CACNA2D3: variants seen among roughly 807,000 people sequenced by gnomAD.
The protein encoded by CACNA2D3 is voltage-dependent calcium channel subunit alpha-2/delta-3.
CACNA2D3 carries 60 observed loss-of-function variants against 160.6 expected under a neutral mutation model. The ratio of observed to expected loss-of-function variants is 0.37; its 90% CI spans 0.30 to 0.46. CACNA2D3 has a LOEUF of 0.46. CACNA2D3 is among the 20% of genes least tolerant of loss of function. The pLI is 1.00. For synonymous variants in CACNA2D3, 558 were observed against 492.9 expected (o/e 1.13, Z -1.75); for missense variants, 1,205 against 1,365.0 (o/e 0.88, Z 1.85).
chr3:54,501,880 A>G (rs1009323409), intron 4 of CACNA2D3, among the ~76,000 whole-genome samples: 3 of 152,174 alleles, frequency 2.0e-5, no homozygotes, highest in Non-Finnish European at 4.4e-5. Context: ...TTACTTGTGA[A>G]GGGTAATTTC....
At chr3:54,340,318 AC>A (rs1467880729) in intron 3 of CACNA2D3, among the ~76,000 whole-genome samples, 1 of 152,116 alleles carries the variant, frequency 6.6e-6, no homozygotes, top group Non-Finnish European at 1.5e-5. Flanking sequence ...TCATTTCATC[AC>A]TTATCTGTCC....
chr3:54,699,314 G>A lies in CACNA2D3; in HGVS notation c.1168-53285G>A, dbSNP rs568394349. ...GAGGAGCAAGGGGGAAGGGGCTGGA[G>A]GTCAGAGGGAGGCTCATCTCTCCAG... On this transcript the variant is annotated intron_variant, in intron 11 of 37. Transcript: ENST00000474759. Among the ~76,000 whole-genome samples, 10 of 152,310 alleles carry A rather than the reference G, an allele frequency of 6.6e-5. 1 individual carries two copies. Among genetic ancestry groups the A allele is most frequent in the African/African-American group, 2.4e-4 (10 of 41,574 alleles).
intron 11 of CACNA2D3, among the ~76,000 whole-genome samples, chr3:54,703,556 T>C (rs1404745501): frequency 6.6e-6 from 1 of 152,146 alleles, no homozygotes; most frequent in Non-Finnish European, 1.5e-5. Context: ...GGCCACATAG[T>C]GAAGGTTCAA....
At chr3:54,375,831 A>G (rs1699003240) in intron 3 of CACNA2D3, among the ~76,000 whole-genome samples, 1 of 152,094 alleles carries the variant, frequency 6.6e-6, no homozygotes, top group Non-Finnish European at 1.5e-5. Context: ...TTTCCAGAGA[A>G]GAGATGGCCG....
At chr3:54,915,284 CT>C (rs1700637803) in intron 27 of CACNA2D3, among the ~76,000 whole-genome samples, 1 of 152,094 alleles carries the variant, frequency 6.6e-6, no homozygotes, top group African/African-American at 2.4e-5. Context: ...TTCATGCCCC[CT>C]TTTTTTATGC....
In CACNA2D3 at chr3:54,325,704, G is replaced by A. The variant is rs145670946; in HGVS notation, c.321+5146G>A. 7.1e-4 allele frequency among the ~76,000 whole-genome samples: 108 copies of A among 152,288 alleles called. 1 individual carries two copies. The highest frequency in any genetic ancestry group is 2.5e-3 in the African/African-American group (103 of 41,574). On this transcript the variant is annotated intron_variant, in intron 3 of 37. Coordinates refer to ENST00000474759, the MANE Select transcript of CACNA2D3 (RefSeq NM_018398.3). ...AGCAAAACATTACAATTAATTAGTTGTATCTAAAAGAATGAACTCTTTTGG... is the reference window on the plus strand; with the variant it reads ...AGCAAAACATTACAATTAATTAGTTATATCTAAAAGAATGAACTCTTTTGG...
chr3:54,703,970 C>T (rs758967577), intron 11 of CACNA2D3, among the ~76,000 whole-genome samples: 1 of 152,234 alleles, frequency 6.6e-6, no homozygotes, highest in Non-Finnish European at 1.5e-5. Context: ...ATGAAAAATA[C>T]TACATGCTGT....
intron 4 of CACNA2D3, among the ~76,000 whole-genome samples, chr3:54,490,203 G>C (rs1488866356): frequency 1.3e-5 from 2 of 152,254 alleles, no homozygotes; most frequent in Admixed American, 6.5e-5. Flanking sequence ...TGCAGGCACT[G>C]TGTGGTGACT....
intron 8 of CACNA2D3, among the ~76,000 whole-genome samples, chr3:54,574,340 G>A (rs1382877858): frequency 6.6e-6 from 1 of 152,076 alleles, no homozygotes. Context: ...ACTTCCCTTG[G>A]CCACTTAAGT....
intron 4 of CACNA2D3, among the ~76,000 whole-genome samples, chr3:54,480,966 C>T (rs552824448): frequency 6.6e-6 from 1 of 152,308 alleles, no homozygotes; most frequent in Admixed American, 6.5e-5. Context: ...GGTTATTCCT[C>T]TCTATAATGA....
intron 2 of CACNA2D3, among the ~76,000 whole-genome samples, chr3:54,153,209 A>T (rs986423505): frequency 1.3e-5 from 2 of 152,202 alleles, no homozygotes; most frequent in African/African-American, 4.8e-5. Context: ...TCTGCAAAAA[A>T]AATGACAGTG....
intron 17 of CACNA2D3, among the ~76,000 whole-genome samples, chr3:54,852,491 C>T (rs1452102241): frequency 6.6e-6 from 1 of 152,192 alleles, no homozygotes; most frequent in Non-Finnish European, 1.5e-5. Context: ...GTCCTCGCAC[C>T]TCCGCTGGAA....
intron 11 of CACNA2D3, among the ~76,000 whole-genome samples, chr3:54,681,790 T>C (rs1700356411): frequency 6.6e-6 from 1 of 152,150 alleles, no homozygotes; most frequent in Admixed American, 6.5e-5. Context: ...GTGATTCTCA[T>C]GCCTCCACTT....
At chr3:54,924,851 C>CA in intron 27 of CACNA2D3, 1 of 1,613,914 alleles carries the variant, frequency 6.2e-7, no homozygotes, top group African/African-American at 1.3e-5. Flanking sequence ...CAAGCTCCCT[C>CA]AGCTGAGGGA....
intron 27 of CACNA2D3, among the ~76,000 whole-genome samples, chr3:54,914,722 A>C (rs1039209094): frequency 6.6e-6 from 1 of 152,198 alleles, no homozygotes; most frequent in Non-Finnish European, 1.5e-5. Context: ...ATTTTAATCA[A>C]AAGAGCAAAA....
intron 4 of CACNA2D3, among the ~76,000 whole-genome samples, chr3:54,467,814 A>G (rs1337353532): frequency 6.6e-6 from 1 of 152,180 alleles, no homozygotes; most frequent in Admixed American, 6.5e-5. Flanking sequence ...ATTGCATAGT[A>G]GGATGATTAG....
chr3:54,475,020 T>G (rs1036862827), intron 4 of CACNA2D3, among the ~76,000 whole-genome samples: 1 of 152,164 alleles, frequency 6.6e-6, no homozygotes, highest in African/African-American at 2.4e-5. Context: ...AGCATCAAAC[T>G]TTTCACCCTG....
chr3:54,335,823 G>A (rs1347161162), intron 3 of CACNA2D3, among the ~76,000 whole-genome samples: 2 of 151,642 alleles, frequency 1.3e-5, no homozygotes, highest in Non-Finnish European at 2.9e-5. Context: ...GGCCAGAATG[G>A]TGAAACCTGT....
chr3:54,772,833 G>A (rs1702344587), intron 13 of CACNA2D3, among the ~76,000 whole-genome samples: 1 of 152,128 alleles, frequency 6.6e-6, no homozygotes, highest in African/African-American at 2.4e-5. Context: ...CTTTGGAGTT[G>A]GGTCTTAATC....
Sources: gnomAD v4.1 joint callset for allele counts (sites outside exome capture counted in the v4.1 genomes callset) on GRCh38, gnomAD v4.1.1 for gene constraint, MANE v1.5 for transcripts, NCBI Gene and HGNC (gene_info 2026-07-23, HGNC 2026-07-21) for gene names.